Variants in BTAF1 observed in about 807,000 individuals in gnomAD.
BTAF1 encodes B-TFIID TATA-box binding protein associated factor 1.
A neutral mutation model predicts 227.1 loss-of-function variants in BTAF1; 38 were observed. That is an observed-to-expected ratio of 0.17 (90% CI 0.13 to 0.22). The LOEUF (loss-of-function observed/expected upper bound fraction) is 0.22. Among genes scored for constraint, BTAF1 ranks in the 10% least tolerant of loss-of-function variants. The pLI, the probability that BTAF1 is intolerant of heterozygous loss-of-function variation, is 1.00. For missense variants in BTAF1, 1,598 were observed against 2,204.0 expected (o/e 0.73, Z 5.51); for synonymous variants, 742 against 751.9 (o/e 0.99, Z 0.21).
chr10:91,982,855 C>G (rs1265265057), intron 18 of BTAF1, 94 bp downstream of exon 18: 3 of 1,267,124 alleles, frequency 2.4e-6, no homozygotes, highest in Non-Finnish European at 3.2e-6. Context: ...TGAAAATTTT[C>G]GATGTATAAA....
rs1178438901 is a variant in BTAF1 at position 92,013,806 on chromosome 10, C to T, written c.4451C>T (p.Ala1484Val). 1 of 1,613,760 alleles carries T rather than the reference C, an allele frequency of 6.2e-7. No individual in the cohort carries two copies. The highest frequency in any genetic ancestry group is 8.5e-7 in the Non-Finnish European group (1 of 1,179,996). The change falls in exon 31 of 38, where the codon GCA becomes GTA. Residue 1484 changes from alanine to valine, a missense_variant and splice_region_variant. This residue lies in a region of BTAF1 where 184 missense variants were observed against 341.1 expected (regional missense o/e 0.54). Coordinates refer to ENST00000265990, the MANE Select transcript of BTAF1 (RefSeq NM_003972.3). ...DARSSSREQEAGVLAMDALHR... is the reference protein window; with the variant it reads ...DARSSSREQEVGVLAMDALHR... The stretch of plus-strand genomic sequence containing the variant: ...CGAAGCTCCAGTCGAGAGCAAGAAG[C>T]AGGTATGAAAGAGATATAATTATAA...
At chr10:92,022,127 G>A (rs1216678571) in intron 34 of BTAF1, among the ~76,000 whole-genome samples, 1 of 152,118 alleles carries the variant, frequency 6.6e-6, no homozygotes, top group Admixed American at 6.5e-5. Flanking sequence ...AGATTAGTGA[G>A]AATACCAGAG....
chr10:92,007,249 C>T (rs12220586), intron 25 of BTAF1, among the ~76,000 whole-genome samples: 37,990 of 120,736 alleles, frequency 0.31, 6,451 homozygotes, highest in Middle Eastern at 0.49. Flanking sequence ...GATGGAGTCT[C>T]GCTGTGTCAC....
intron 17 of BTAF1, 29 bp downstream of exon 17, chr10:91,982,254 A>G (rs776054325): frequency 6.2e-7 from 1 of 1,613,564 alleles, no homozygotes. Flanking sequence ...TCAGGTAGTC[A>G]TACATTTACA....
At chr10:91,929,015 T>C (rs935011006) in intron 1 of BTAF1, among the ~76,000 whole-genome samples, 3 of 152,102 alleles carry the variant, frequency 2.0e-5, no homozygotes, top group African/African-American at 7.2e-5. Context: ...GGTTTCATCA[T>C]GTTGCCCAGG....
At chr10:92,006,106 C>T (rs1254496225) in intron 25 of BTAF1, among the ~76,000 whole-genome samples, 1 of 152,098 alleles carries the variant, frequency 6.6e-6, no homozygotes, top group East Asian at 1.9e-4. Flanking sequence ...AACTCCTGGG[C>T]TCAATCCTCC....
intron 26 of BTAF1, 54 bp from the exon 27 acceptor site, chr10:92,008,775 T>C: frequency 6.8e-7 from 1 of 1,464,206 alleles, no homozygotes; most frequent in East Asian, 2.3e-5. Flanking sequence ...AATGTTTTTA[T>C]AAGAAAAAAT....
At chr10:91,984,545 G>T (rs1402510572) in intron 19 of BTAF1, 141 bp downstream of exon 19, 1 of 715,838 alleles carries the variant, frequency 1.4e-6, no homozygotes, top group Non-Finnish European at 2.2e-6. Context: ...CTACCCTTGA[G>T]AAAGGTTATT....
intron 2 of BTAF1, among the ~76,000 whole-genome samples, chr10:91,938,694 T>G (rs1844791094): frequency 6.6e-6 from 1 of 152,108 alleles, no homozygotes. Context: ...AGTCAAGAAG[T>G]GTATGTTGCC....
At chr10:91,956,040 G>A (rs911382188) in intron 6 of BTAF1, among the ~76,000 whole-genome samples, 12 of 152,208 alleles carry the variant, frequency 7.9e-5, no homozygotes, top group African/African-American at 2.9e-4. Flanking sequence ...AGTCATAATA[G>A]AACATTTCCT....
intron 8 of BTAF1, 110 bp from the exon 9 acceptor site, chr10:91,958,951 CTTAG>C: frequency 1.2e-6 from 1 of 866,582 alleles, no homozygotes; most frequent in Non-Finnish European, 1.8e-6. Context: ...TAAAGTTCCA[CTTAG>C]TTTATTCTAA....
rs149592035 is a variant in BTAF1, at chr10:91,945,670, G to C, written c.400+3102G>C. On this transcript the variant is annotated intron_variant, in intron 4 of 37. Coordinates refer to ENST00000265990, the MANE Select transcript of BTAF1 (RefSeq NM_003972.3). Reference sequence around the variant, plus strand: ...AGTCCATTGTATGTATATAAATTTTGTTTATCCATTCATCCATCAGTGGAC... The same window carrying C: ...AGTCCATTGTATGTATATAAATTTTCTTTATCCATTCATCCATCAGTGGAC... 8.5e-5 allele frequency among the ~76,000 whole-genome samples: 13 copies of C among 152,196 alleles called. No individual in the cohort carries two copies. In the East Asian group the frequency reaches 2.5e-3, roughly 29 times the overall value.
chr10:91,930,984 C>T (rs1844242872), intron 1 of BTAF1, among the ~76,000 whole-genome samples: 2 of 152,072 alleles, frequency 1.3e-5, no homozygotes, highest in South Asian at 2.1e-4. Context: ...CCCCTCCCCT[C>T]CCGAGATGTT....
chr10:91,961,234 T>C (rs954103569), intron 11 of BTAF1, among the ~76,000 whole-genome samples: 7 of 152,202 alleles, frequency 4.6e-5, no homozygotes, highest in Non-Finnish European at 7.4e-5. Context: ...GGACCTTTTC[T>C]TACCAGTTTA....
At chr10:91,987,447 C>T (rs778627984) in intron 19 of BTAF1, among the ~76,000 whole-genome samples, 10 of 151,892 alleles carry the variant, frequency 6.6e-5, no homozygotes, top group African/African-American at 1.5e-4. Context: ...CACGCCACTG[C>T]GCTCCAGCCT....
intron 34 of BTAF1, among the ~76,000 whole-genome samples, chr10:92,020,000 G>T (rs1438148379): frequency 6.6e-6 from 1 of 151,516 alleles, no homozygotes. Context: ...GGGATTATAG[G>T]CATGAGCTAC....
chr10:91,943,408 A>G (rs1156673432), intron 4 of BTAF1, among the ~76,000 whole-genome samples: 13 of 152,240 alleles, frequency 8.5e-5, no homozygotes, highest in Admixed American at 8.5e-4. Flanking sequence ...TTGGCGATTC[A>G]AGATAATGGC....
At chr10:92,011,768 AATC>A (rs1361341242) in intron 30 of BTAF1, among the ~76,000 whole-genome samples, 2 of 152,208 alleles carry the variant, frequency 1.3e-5, no homozygotes, top group Non-Finnish European at 2.9e-5. Flanking sequence ...GTCAGAGGTG[AATC>A]ATCATATAGT....
chr10:91,978,635 C>G (rs1294960121), intron 14 of BTAF1, among the ~76,000 whole-genome samples: 2 of 151,910 alleles, frequency 1.3e-5, no homozygotes, highest in Non-Finnish European at 2.9e-5. Context: ...CTTAAAAACA[C>G]TGTATTTAGT....
Sources: gnomAD v4.1 joint callset for allele counts (sites outside exome capture counted in the v4.1 genomes callset) on GRCh38, gnomAD v4.1.1 for gene constraint, gnomAD v4.1.1 regional missense constraint, MANE v1.5 for transcripts, NCBI Gene and HGNC (gene_info 2026-07-23, HGNC 2026-07-21) for gene names.